KHDRBS3: variants seen among roughly 807,000 people sequenced by gnomAD.
KHDRBS3 encodes the protein KH domain-containing, RNA-binding, signal transduction-associated protein 3.
KHDRBS3 carries 23 observed loss-of-function variants against 45.6 expected under a neutral mutation model. The observed-to-expected ratio is 0.50, with a 90% CI of 0.36 to 0.72. KHDRBS3 has a LOEUF of 0.72. Among genes scored for constraint, KHDRBS3 ranks in the 30% least tolerant of loss-of-function variants. KHDRBS3 has a pLI of 0.00. For synonymous variants in KHDRBS3, 162 were observed against 156.5 expected (o/e 1.04, Z -0.26); for missense variants, 352 against 424.8 (o/e 0.83, Z 1.51).
At chr8:135,633,435 G>A (rs1830686878) in intron 7 of KHDRBS3, among the ~76,000 whole-genome samples, 2 of 152,190 alleles carry the variant, frequency 1.3e-5, no homozygotes, top group African/African-American at 2.4e-5. Flanking sequence ...AGGGTAAAAT[G>A]GATAACTTTC....
chr8:135,464,292 C>T (rs994146691), intron 1 of KHDRBS3, among the ~76,000 whole-genome samples: 2 of 151,920 alleles, frequency 1.3e-5, no homozygotes, highest in African/African-American at 2.4e-5. Flanking sequence ...TTTTTTTCTC[C>T]TGTGCTCTCC....
rs199553161 is a variant in KHDRBS3, at chr8:135,542,790, A to G, written c.324+20A>G. On this transcript the variant is annotated intron_variant, in intron 3 of 8. Transcript: ENST00000355849. ...GCCAAGGTAATATTAATTATAGAAA[A>G]CGGCTAAGTTGTGTATCATGTTATA... 6.7e-7 allele frequency: 1 copy of G among 1,490,364 alleles called. No homozygotes were observed. The highest frequency in any genetic ancestry group is 1.1e-5 in the South Asian group (1 of 87,646). The allele number at this position is 1,490,364 out of a possible 1,614,324, so 92.3% of individuals were successfully genotyped here.
At chr8:135,550,255 T>G (rs1826521048) in intron 4 of KHDRBS3, among the ~76,000 whole-genome samples, 1 of 152,184 alleles carries the variant, frequency 6.6e-6, no homozygotes, top group South Asian at 2.1e-4. Flanking sequence ...TTACGATCCT[T>G]CCCCAGAGGT....
At chr8:135,551,036 G>A (rs1181048374) in intron 4 of KHDRBS3, among the ~76,000 whole-genome samples, 1 of 152,006 alleles carries the variant, frequency 6.6e-6, no homozygotes, top group Non-Finnish European at 1.5e-5. Context: ...GATTACTAGT[G>A]TATAGAAATG....
At chr8:135,653,877 A>AT (rs1249251827) in intron 4 of KHDRBS3, among the ~76,000 whole-genome samples, 1 of 152,108 alleles carries the variant, frequency 6.6e-6, no homozygotes, top group Non-Finnish European at 1.5e-5. Context: ...TAACCATTAG[A>AT]TTTTTTTCAA....
intron 2 of KHDRBS3, chr8:135,540,672 C>A (rs1826002021): frequency 6.6e-6 from 1 of 152,202 alleles, no homozygotes; most frequent in South Asian, 2.1e-4. Context: ...TGGGCTTACA[C>A]CTCCTCTTAA....
chr8:135,543,231 T>G (rs1826129428), intron 3 of KHDRBS3, among the ~76,000 whole-genome samples: 1 of 152,158 alleles, frequency 6.6e-6, no homozygotes, highest in Admixed American at 6.5e-5. Context: ...TAAAATTGAT[T>G]TTAAGTGTAG....
chr8:135,486,715 A>C (rs920715618), intron 1 of KHDRBS3, among the ~76,000 whole-genome samples: 4 of 152,208 alleles, frequency 2.6e-5, no homozygotes, highest in Non-Finnish European at 4.4e-5. Flanking sequence ...TGTCTCCCAG[A>C]TGTTTTCAGC....
At chr8:135,566,194 T>C (rs753815933) in intron 5 of KHDRBS3, among the ~76,000 whole-genome samples, 3 of 152,204 alleles carry the variant, frequency 2.0e-5, no homozygotes, top group Non-Finnish European at 4.4e-5. Context: ...TCAGGGTTAA[T>C]ACCTAACTCC....
intron 7 of KHDRBS3, among the ~76,000 whole-genome samples, chr8:135,638,346 G>T (rs1216307241): frequency 6.6e-6 from 1 of 152,132 alleles, no homozygotes; most frequent in Non-Finnish European, 1.5e-5. Flanking sequence ...CAAAGCGTAC[G>T]TTACTAGCAC....
At chr8:135,462,418 A>G (rs1371667507) in intron 1 of KHDRBS3, among the ~76,000 whole-genome samples, 1 of 152,092 alleles carries the variant, frequency 6.6e-6, no homozygotes, top group Non-Finnish European at 1.5e-5. Context: ...GTTGGGTCCC[A>G]GGGGTAGGGA....
intron 2 of KHDRBS3, among the ~76,000 whole-genome samples, chr8:135,527,588 A>G (rs1346568692): frequency 6.6e-6 from 1 of 152,264 alleles, no homozygotes; most frequent in Non-Finnish European, 1.5e-5. Flanking sequence ...AGGCTTCTCC[A>G]GGTGCTTAAT....
At chr8:135,504,710 C>T (rs898713627) in intron 1 of KHDRBS3, among the ~76,000 whole-genome samples, 3 of 152,194 alleles carry the variant, frequency 2.0e-5, no homozygotes, top group Admixed American at 2.0e-4. Flanking sequence ...GTAAACATCA[C>T]CTGCAGTTGC....
chr8:135,588,025 C>T (rs1828562694), intron 6 of KHDRBS3, among the ~76,000 whole-genome samples: 1 of 152,164 alleles, frequency 6.6e-6, no homozygotes, highest in Non-Finnish European at 1.5e-5. Flanking sequence ...TCTCTGCAGA[C>T]ATCGACTGTG....
intron 1 of KHDRBS3, among the ~76,000 whole-genome samples, chr8:135,511,008 T>C (rs539096792): frequency 6.6e-6 from 1 of 152,360 alleles, no homozygotes; most frequent in East Asian, 1.9e-4. Flanking sequence ...TCAAAGCACT[T>C]TCATAGGCAT....
chr8:135,652,257 C>T (rs976117265), downstream of KHDRBS3, among the ~76,000 whole-genome samples: 1 of 152,174 alleles, frequency 6.6e-6, no homozygotes, highest in Admixed American at 6.5e-5. Context: ...CCTCCCTTAT[C>T]GATGGAAAAT....
chr8:135,638,363 C>T (rs1256834806), intron 7 of KHDRBS3, among the ~76,000 whole-genome samples: 5 of 152,162 alleles, frequency 3.3e-5, no homozygotes, highest in African/African-American at 1.2e-4. Flanking sequence ...GCACATCCCA[C>T]CTAATAGTAT....
rs918245737 is a variant in KHDRBS3, at chr8:135,614,792, G to A, written c.890+7755G>A. Reference sequence around the variant, plus strand: ...AAGAAAAGAAAAATTATTTGGTGACGCTTGTTAAAGCACAGTAAGGCGGAC... The same window carrying A: ...AAGAAAAGAAAAATTATTTGGTGACACTTGTTAAAGCACAGTAAGGCGGAC... On this transcript the variant is annotated intron_variant, in intron 7 of 8. Coordinates refer to ENST00000355849, the MANE Select transcript of KHDRBS3 (RefSeq NM_006558.3). 1.4e-4 allele frequency among the ~76,000 whole-genome samples: 21 copies of A among 151,768 alleles called. 1 individual carries two copies. The highest frequency in any genetic ancestry group is 5.1e-4 in the African/African-American group (21 of 41,098).
chr8:135,478,122 A>G (rs1822386358), intron 1 of KHDRBS3, among the ~76,000 whole-genome samples: 1 of 152,212 alleles, frequency 6.6e-6, no homozygotes, highest in African/African-American at 2.4e-5. Flanking sequence ...ATTGTCTTCC[A>G]TAAAACTGGT....
Sources: gnomAD v4.1 joint callset for allele counts (sites outside exome capture counted in the v4.1 genomes callset) on GRCh38, gnomAD v4.1.1 for gene constraint, MANE v1.5 for transcripts, NCBI Gene and HGNC (gene_info 2026-07-23, HGNC 2026-07-21) for gene names.